Variants in PLD1 observed in about 807,000 individuals in gnomAD.
PLD1 encodes choline phosphatase 1.
PLD1 carries 112 observed loss-of-function variants against 137.1 expected under a neutral mutation model. That is an observed-to-expected ratio of 0.82 (90% CI 0.70 to 0.96). PLD1 has a LOEUF of 0.96. Among genes scored for constraint, PLD1 ranks in the 40% least tolerant of loss-of-function variants. The probability of loss-of-function intolerance (pLI) is 0.00; values close to 1 mark genes in which losing one functional copy is unlikely to be tolerated. For synonymous variants in PLD1, 431 were observed against 454.7 expected (o/e 0.95, Z 0.66); for missense variants, 1,321 against 1,342.0 (o/e 0.98, Z 0.24).
intron 20 of PLD1, among the ~76,000 whole-genome samples, chr3:171,661,133 G>C (rs373955052): frequency 2.0e-5 from 3 of 152,222 alleles, no homozygotes; most frequent in South Asian, 4.1e-4. Context: ...CATTTAGCCA[G>C]CTAATATATT....
chr3:171,750,328 A>T (rs1668315806), intron 1 of PLD1, among the ~76,000 whole-genome samples: 2 of 152,206 alleles, frequency 1.3e-5, no homozygotes, highest in Admixed American at 1.3e-4. Context: ...AAATTATCCA[A>T]TCTGAAGGAC....
chr3:171,762,568 G>A (rs1171341822), intron 1 of PLD1, among the ~76,000 whole-genome samples: 1 of 152,210 alleles, frequency 6.6e-6, no homozygotes, highest in Non-Finnish European at 1.5e-5. Context: ...CAACATCTGG[G>A]CATTGGGGAA....
chr3:171,740,215 G>C (rs1489165684), intron 1 of PLD1, among the ~76,000 whole-genome samples: 1 of 152,076 alleles, frequency 6.6e-6, no homozygotes, highest in Non-Finnish European at 1.5e-5. Flanking sequence ...TTTTGCATTT[G>C]GGTAAGAGAA....
chr3:171,718,126 A>G (rs1717812747), intron 8 of PLD1, among the ~76,000 whole-genome samples: 1 of 152,240 alleles, frequency 6.6e-6, no homozygotes, highest in Admixed American at 6.5e-5. Context: ...GGACATTACC[A>G]TTGATCCCAC....
chr3:171,780,451 G>T (rs1196404271), intron 1 of PLD1, among the ~76,000 whole-genome samples: 1 of 152,162 alleles, frequency 6.6e-6, no homozygotes, highest in Non-Finnish European at 1.5e-5. Flanking sequence ...CTGACTGAGG[G>T]TGAATAAAGG....
At chr3:171,731,157 C>T (rs186182840) in intron 6 of PLD1, among the ~76,000 whole-genome samples, 18 of 152,144 alleles carry the variant, frequency 1.2e-4, no homozygotes, top group Non-Finnish European at 2.5e-4. Flanking sequence ...GCTTATGGAC[C>T]TGAATTAACT....
At chr3:171,714,819 T>G (rs2108218574) in intron 8 of PLD1, among the ~76,000 whole-genome samples, 1 of 152,236 alleles carries the variant, frequency 6.6e-6, no homozygotes. Context: ...TAGGATAACT[T>G]ATAGCAAAGA....
Position 171,642,869 on chromosome 3 carries a change from T to C in PLD1, c.2564A>G (p.Asn855Ser). 6.3e-7 allele frequency: 1 copy of C among 1,588,748 alleles called. No homozygotes were observed. The highest frequency in any genetic ancestry group is 8.6e-7 in the Non-Finnish European group (1 of 1,163,186). ...FNYRTMCRGE[N>S]SILGQLKAEL... ...TGCTTTTAACTGTCCAAGGATGGAA[T>C]TTTCTCCTCTGCACATGGTTCTGAA... The change falls in exon 23 of 27, where the codon AAT becomes AGT. Residue 855 changes from asparagine to serine, a missense_variant. Coordinates refer to ENST00000351298, the MANE Select transcript of PLD1 (RefSeq NM_002662.5).
intron 8 of PLD1, among the ~76,000 whole-genome samples, chr3:171,716,838 A>T (rs1194498920): frequency 6.6e-6 from 1 of 152,112 alleles, no homozygotes; most frequent in African/African-American, 2.4e-5. Context: ...CCAGAATGGT[A>T]TTTCCTAGGT....
At chr3:171,778,506 A>T (rs75498654) in intron 1 of PLD1, among the ~76,000 whole-genome samples, 2 of 152,126 alleles carry the variant, frequency 1.3e-5, no homozygotes, top group Non-Finnish European at 2.9e-5. Context: ...GAGGTAGCAC[A>T]CTCCTTAGAT....
At chr3:171,711,430 A>G (rs556952376) in intron 9 of PLD1, among the ~76,000 whole-genome samples, 1 of 152,136 alleles carries the variant, frequency 6.6e-6, no homozygotes, top group South Asian at 2.1e-4. Flanking sequence ...CGGCCTCCCA[A>G]AGTGCTGGGA....
In PLD1 at chr3:171,713,966, T is replaced by C. The variant is rs781717906; in HGVS notation, c.838A>G (p.Lys280Glu). ...GAIAFVLLVDKEFKIKVGKKE... is the reference protein window; with the variant it reads ...GAIAFVLLVDEEFKIKVGKKE... ...TTCCCCACCTTAATTTTGAATTCTT[T>C]GTCTACCAGCAGGACGAAGGCAATG... Residue 280 changes from lysine to glutamate, a missense_variant, in exon 9 of 27, where the codon AAA becomes GAA. Transcript: ENST00000351298. 6 of 1,611,782 alleles carry C rather than the reference T, an allele frequency of 3.7e-6. No homozygotes were observed. In the East Asian group the frequency reaches 8.9e-5, roughly 24 times the overall value.
intron 25 of PLD1, among the ~76,000 whole-genome samples, chr3:171,607,764 G>T (rs926286216): frequency 7.2e-5 from 11 of 152,218 alleles, no homozygotes; most frequent in African/African-American, 2.6e-4. Context: ...GTGGACAATG[G>T]TTTCTCTTGA....
At chr3:171,715,482 G>C (rs181065942) in intron 8 of PLD1, among the ~76,000 whole-genome samples, 76 of 152,164 alleles carry the variant, frequency 5.0e-4, no homozygotes, top group African/African-American at 1.8e-3. Context: ...GTGAATTTTA[G>C]GATTGTTTTT....
chr3:171,799,268 G>A (rs942611524), intron 1 of PLD1, among the ~76,000 whole-genome samples: 5 of 149,970 alleles, frequency 3.3e-5, no homozygotes, highest in East Asian at 3.9e-4. Context: ...GAACCCAGGC[G>A]GTGGAGGTTG....
intron 19 of PLD1, among the ~76,000 whole-genome samples, chr3:171,665,028 G>A (rs1044198059): frequency 3.9e-5 from 6 of 152,178 alleles, no homozygotes; most frequent in African/African-American, 1.4e-4. Context: ...TAACATCTGA[G>A]TTTTTCCCTC....
intron 1 of PLD1, among the ~76,000 whole-genome samples, chr3:171,755,553 T>A (rs1383656867): frequency 6.6e-6 from 1 of 152,180 alleles, no homozygotes; most frequent in Non-Finnish European, 1.5e-5. Flanking sequence ...AAAATTTACA[T>A]GCTAATATTA....
chr3:171,773,990 C>T (rs912528010), intron 1 of PLD1, among the ~76,000 whole-genome samples: 3 of 152,126 alleles, frequency 2.0e-5, no homozygotes, highest in Non-Finnish European at 2.9e-5. Context: ...CCTCATGATC[C>T]GCCCGCCTCG....
chr3:171,724,404 C>T (rs866513017), intron 8 of PLD1, among the ~76,000 whole-genome samples: 2 of 152,200 alleles, frequency 1.3e-5, no homozygotes, highest in Middle Eastern at 3.4e-3. Flanking sequence ...TGACTAATAA[C>T]GTTGAGCATC....
Sources: allele counts gnomAD v4.1 joint callset (sites outside exome capture counted in the v4.1 genomes callset), GRCh38; gene constraint gnomAD v4.1.1; transcripts MANE v1.5; gene names NCBI Gene and HGNC (gene_info 2026-07-23, HGNC 2026-07-21).